Variants in SMOX observed in about 807,000 individuals in gnomAD.
SMOX encodes the protein spermine oxidase.
A neutral mutation model predicts 51.0 loss-of-function variants in SMOX; 22 were observed. The ratio of observed to expected loss-of-function variants is 0.43; its 90% CI spans 0.31 to 0.62. SMOX has a LOEUF of 0.62. Among genes scored for constraint, SMOX ranks in the 20% least tolerant of loss-of-function variants. SMOX has a pLI of 0.10. For missense variants in SMOX, 566 were observed against 777.7 expected, an observed-to-expected ratio of 0.73 and a Z score of 3.24; for synonymous variants, 282 against 307.8, an observed-to-expected ratio of 0.92 and a Z score of 0.88.
chr20:4,185,446 C>A (rs1266448848), intron 6 of SMOX, among the ~76,000 whole-genome samples: 1 of 150,604 alleles, frequency 6.6e-6, no homozygotes, highest in Admixed American at 6.6e-5. Flanking sequence ...CCTGTCTCTA[C>A]TAAAAATACA....
chr20:4,166,138 CAG>C lies in SMOX; in HGVS notation c.-26-8889_-26-8888del, dbSNP rs1411575747. Among the ~76,000 whole-genome samples the C allele has an allele frequency of 6.6e-6, 1 of 152,158 alleles. No homozygotes were observed. The highest frequency in any genetic ancestry group is 1.5e-5 in the Non-Finnish European group (1 of 68,020). ...CTGTTGTCAGAGTGTGATCTATTGT[CAG>C]AGTGTGATCTATTGTCAGAGTGTGA... On this transcript the variant is annotated intron_variant, in intron 1 of 6. Coordinates refer to ENST00000305958, the MANE Select transcript of SMOX (RefSeq NM_175839.3). The surrounding 1 kb of genome is among the most constrained non-coding windows in gnomAD (Gnocchi z 4.2).
Position 4,167,760 on chromosome 20 carries a change from C to A in SMOX, c.-26-7270C>A, listed in dbSNP as rs1394196127. On this transcript the variant is annotated intron_variant, in intron 1 of 6. Coordinates refer to ENST00000305958, the MANE Select transcript of SMOX (RefSeq NM_175839.3). The surrounding 1 kb of genome is among the most constrained non-coding windows in gnomAD (Gnocchi z 4.8). ...TGTTCCCCACACCTGTACCCCGATT[C>A]TCCCACCGTGGCAGCCCAGCCTGGC... Among the ~76,000 whole-genome samples, 1 of 152,152 alleles carries A rather than the reference C, an allele frequency of 6.6e-6. No homozygotes were observed. Among genetic ancestry groups the A allele is most frequent in the African/African-American group, 2.4e-5 (1 of 41,440 alleles).
At chr20:4,164,646 T>A (rs535527814) in intron 1 of SMOX, among the ~76,000 whole-genome samples, 1 of 152,328 alleles carries the variant, frequency 6.6e-6, no homozygotes, top group South Asian at 2.1e-4. Context: ...GTAAGAGAAG[T>A]GTCTCTTCCT....
At chr20:4,175,904 G>T (rs1568742189) in intron 2 of SMOX, 2 of 135,118 alleles carry the variant, frequency 1.5e-5, no homozygotes, top group African/African-American at 5.2e-5. Context: ...GGGGGAGGGG[G>T]TGGGGGGGGG....
chr20:4,153,688 CTG>C lies in SMOX; in HGVS notation c.-27+4712_-27+4713del, dbSNP rs931049785. Among the ~76,000 whole-genome samples, 5 of 152,212 alleles carry C rather than the reference CTG, an allele frequency of 3.3e-5. No individual in the cohort carries two copies. The highest frequency in any genetic ancestry group is 1.2e-4 in the African/African-American group (5 of 41,466). On this transcript the variant is annotated intron_variant, in intron 1 of 6. Transcript: ENST00000305958. This position sits in a 1 kb window ranked among gnomAD's most constrained non-coding sequence, Gnocchi z 4.4. ...GAGAGGGAGGCAGGGTTAGTGGAAA[CTG>C]AGGCACAGGGAAAACATTGCTGTTG... is the stretch of plus-strand genomic sequence containing the variant.
At chr20:4,160,135 G>A (rs1213285915) in intron 1 of SMOX, among the ~76,000 whole-genome samples, 4 of 152,198 alleles carry the variant, frequency 2.6e-5, no homozygotes, top group Admixed American at 2.0e-4. Context: ...TGCCTGGCAA[G>A]CCTAATCCAG....
Position 4,182,211 on chromosome 20 carries a change from G to A in SMOX, c.732G>A (p.Glu244=), listed in dbSNP as rs1269005285. 1.9e-6 allele frequency: 3 copies of A among 1,613,668 alleles called. No homozygotes were observed. Among genetic ancestry groups the A allele is most frequent in the East Asian group, 2.2e-5 (1 of 44,852 alleles). Residue 244 remains glutamate, a synonymous_variant, in exon 5 of 7, where the codon GAG becomes GAA. Coordinates refer to ENST00000305958, the MANE Select transcript of SMOX (RefSeq NM_175839.3). This position sits in a 1 kb window ranked among gnomAD's most constrained non-coding sequence, Gnocchi z 8.4. ...IIPSGFMRVV[E]LLAEGIPAHV... ...CCTCGGGCTTCATGCGGGTTGTGGA[G>A]CTGCTGGCGGAGGGCATCCCTGCCC...
chr20:4,168,947 T>TTTATTTTATG lies in SMOX; in HGVS notation c.-26-6079_-26-6078insTTTATGTTAT, dbSNP rs1229084022. On this transcript the variant is annotated intron_variant, in intron 1 of 6. Transcript: ENST00000305958. ...TTTATTTTATTTTATTTTATTTTATTTTATGTTATTTTATTTTAGAGACAG... is the reference window on the plus strand; with the variant it reads ...TTTATTTTATTTTATTTTATTTTATTTTATTTTATGTTATGTTATTTTATTTTAGAGACAG... Among the ~76,000 whole-genome samples, 865 of 114,096 alleles carry TTTATTTTATG rather than the reference T, an allele frequency of 7.6e-3. 9 individuals carry two copies. The highest frequency in any genetic ancestry group is 0.017 in the Middle Eastern group (4 of 234). 74.9% of individuals were successfully genotyped at this position (114,096 alleles called of 152,430 possible). A position where few individuals can be genotyped will look rare whatever the true frequency, so the allele number is the denominator to read the frequency against.
rs531055593 is a variant in SMOX at position 4,183,712 on chromosome 20, C to T, written c.1530+58C>T. 1.8e-5 allele frequency: 28 copies of T among 1,513,784 alleles called. No individual in the cohort carries two copies. Among genetic ancestry groups the T allele is most frequent in the African/African-American group, 1.3e-4 (9 of 71,810 alleles). 93.8% of individuals were successfully genotyped at this position (1,513,784 alleles called of 1,614,324 possible). A position where few individuals can be genotyped will look rare whatever the true frequency, so the allele number is the denominator to read the frequency against. ...TGTGGGTGTATTTTGTATGTGTGTC[C>T]GGTCCAGGGTGAGGAGGGCTAGGGT... is the stretch of plus-strand genomic sequence containing the variant. On this transcript the variant is annotated intron_variant, in intron 6 of 6. Transcript: ENST00000305958. The surrounding 1 kb of genome is among the most constrained non-coding windows in gnomAD (Gnocchi z 4.3).
At chr20:4,155,414 G>GT (rs1178518818) in intron 1 of SMOX, among the ~76,000 whole-genome samples, 6 of 136,664 alleles carry the variant, frequency 4.4e-5, no homozygotes, top group Non-Finnish European at 8.3e-5. Flanking sequence ...GTACGTGGGA[G>GT]TGGGGGGGGC....
chr20:4,178,747 G>T (rs147959746), intron 3 of SMOX, among the ~76,000 whole-genome samples: 2 of 149,938 alleles, frequency 1.3e-5, no homozygotes, highest in Admixed American at 6.7e-5. Context: ...ACGATGGCAC[G>T]ATCTCAGCTC....
Position 4,177,318 on chromosome 20 carries a change from A to T in SMOX, c.209-33A>T. 6.5e-7 allele frequency: 1 copy of T among 1,535,586 alleles called. No individual in the cohort carries two copies. ...GCTGGCCCTCTCTGGAGAAGTCCCT[A>T]AGCCTCTAAGGGCCTGCTGTTGTCA... is the stretch of plus-strand genomic sequence containing the variant. On this transcript the variant is annotated intron_variant, in intron 2 of 6. Coordinates refer to ENST00000305958, the MANE Select transcript of SMOX (RefSeq NM_175839.3). The surrounding 1 kb of genome is among the most constrained non-coding windows in gnomAD (Gnocchi z 4.3).
Position 4,149,520 on chromosome 20 carries a change from G to T in SMOX, c.-27+543G>T, listed in dbSNP as rs1031587011. On this transcript the variant is annotated intron_variant, in intron 1 of 6. Transcript: ENST00000305958. The surrounding 1 kb of genome is among the most constrained non-coding windows in gnomAD (Gnocchi z 6.0). ...CGGGCGTCCGGGTGGTCCCCTTGGGGCCCCGGGCAGGGTGAGGAGCAGCTT... is the reference window on the plus strand; with the variant it reads ...CGGGCGTCCGGGTGGTCCCCTTGGGTCCCCGGGCAGGGTGAGGAGCAGCTT... 2.0e-5 allele frequency among the ~76,000 whole-genome samples: 3 copies of T among 152,072 alleles called. No individual in the cohort carries two copies. The highest frequency in any genetic ancestry group is 4.4e-5 in the Non-Finnish European group (3 of 67,986).
intron 1 of SMOX, among the ~76,000 whole-genome samples, chr20:4,158,013 G>A (rs2122396574): frequency 6.6e-6 from 1 of 151,778 alleles, no homozygotes; most frequent in African/African-American, 2.4e-5. Flanking sequence ...CCATTCTCCT[G>A]CCTCAGCCTC....
rs79105608 is a variant in SMOX at position 4,166,329 on chromosome 20, C to T, written c.-26-8701C>T. On this transcript the variant is annotated intron_variant, in intron 1 of 6. Transcript: ENST00000305958. The surrounding 1 kb of genome is among the most constrained non-coding windows in gnomAD (Gnocchi z 4.2). ...GTCATCAAGGCCCTCAGTGAGCTTTCGGAAAGACCCTGCCCTTTGTCTGAC... is the reference window on the plus strand; with the variant it reads ...GTCATCAAGGCCCTCAGTGAGCTTTTGGAAAGACCCTGCCCTTTGTCTGAC... Among the ~76,000 whole-genome samples the T allele has an allele frequency of 1.3e-3, 201 of 152,248 alleles. 3 individuals carry two copies. The East Asian group carries it at 0.027, about 20-fold the overall frequency.
chr20:4,187,400 G>A lies in SMOX; in HGVS notation c.1661G>A (p.Gly554Glu). 1 of 1,613,896 alleles carries A rather than the reference G, an allele frequency of 6.2e-7. No individual in the cohort carries two copies. The highest frequency in any genetic ancestry group is 8.5e-7 in the Non-Finnish European group (1 of 1,179,904). Residue 554 changes from glycine to glutamate, a missense_variant, in exon 7 of 7, where the codon GGG (glycine) becomes GAG (glutamate). By Grantham distance (98) the Gly-to-Glu change is moderately conservative. Around this residue, in one of 3 missense-constraint regions of SMOX, gnomAD observed 347 missense variants for 481.8 expected, o/e 0.72. Transcript: ENST00000305958. This position sits in a 1 kb window ranked among gnomAD's most constrained non-coding sequence, Gnocchi z 4.8. ...ATGTACCGAGACCTCTTCCAGCAGG[G>A]GACCTGAGGGCTGTCCTCGCTGCTG... is the stretch of plus-strand genomic sequence containing the variant. ...IEMYRDLFQQ[G>E]T is the part of the protein sequence containing the mutation.
chr20:4,154,256 A>G (rs1339396142), intron 1 of SMOX, among the ~76,000 whole-genome samples: 1 of 152,252 alleles, frequency 6.6e-6, no homozygotes, highest in Non-Finnish European at 1.5e-5. Flanking sequence ...GCAGTGGTCT[A>G]TAAAAGTGCT....
chr20:4,149,260 T>A lies in SMOX; in HGVS notation c.-27+283T>A. ...GCGGCGATCCCGGCGCCAGGGCTGCTCGGCCCGGGCCGGGCGCCGGGGGTA... is the reference window on the plus strand; with the variant it reads ...GCGGCGATCCCGGCGCCAGGGCTGCACGGCCCGGGCCGGGCGCCGGGGGTA... On this transcript the variant is annotated intron_variant, in intron 1 of 6. Coordinates refer to ENST00000305958, the MANE Select transcript of SMOX (RefSeq NM_175839.3). This position sits in a 1 kb window ranked among gnomAD's most constrained non-coding sequence, Gnocchi z 6.0. 6.7e-6 allele frequency among the ~76,000 whole-genome samples: 1 copy of A among 149,394 alleles called. No homozygotes were observed.
At chr20:4,159,322 G>T (rs778868050) in intron 1 of SMOX, among the ~76,000 whole-genome samples, 5 of 152,158 alleles carry the variant, frequency 3.3e-5, no homozygotes, top group Admixed American at 6.6e-5. Context: ...ATGTTGGCCA[G>T]GCTGGTCTCA....
Sources: gnomAD v4.1 joint callset for allele counts (sites outside exome capture counted in the v4.1 genomes callset) on GRCh38, gnomAD v4.1.1 for gene constraint, gnomAD v4.1.1 regional missense constraint, Gnocchi (gnomAD v3.1) non-coding constraint, MANE v1.5 for transcripts, NCBI Gene and HGNC (gene_info 2026-07-23, HGNC 2026-07-21) for gene names.